ABHD18: variants seen among roughly 807,000 people sequenced by gnomAD.
ABHD18 encodes abhydrolase domain containing 18.
Under a neutral mutation model 65.9 loss-of-function variants are expected in ABHD18, and 55 were observed. The observed-to-expected ratio is 0.84, with a 90% CI of 0.67 to 1.05. The LOEUF (loss-of-function observed/expected upper bound fraction) is 1.05. Among genes scored for constraint, ABHD18 ranks in the 50% least tolerant of loss-of-function variants. The pLI is 0.00. For missense variants in ABHD18, 533 were observed against 558.5 expected (o/e 0.95, Z 0.46); for synonymous variants, 181 against 180.2 (o/e 1.00, Z -0.04).
rs1328281140 is a variant in ABHD18 at position 128,039,075 on chromosome 4, T to C, written c.*3262T>C. Reference sequence around the variant, plus strand: ...TATATGTATACGTTTTATATATATATACACACACACGTATGTGTGTATATA... The same window carrying C: ...TATATGTATACGTTTTATATATATACACACACACACGTATGTGTGTATATA... On this transcript the variant is annotated 3_prime_UTR_variant, in exon 13 of 13. Coordinates refer to ENST00000645843, the MANE Select transcript of ABHD18 (RefSeq NM_001358451.3). 4.7e-5 allele frequency: 7 copies of C among 148,032 alleles called. No individual in the cohort carries two copies. The highest frequency in any genetic ancestry group is 3.4e-4 in the Admixed American group (5 of 14,774). The allele number at this position is 148,032 out of a possible 1,614,324, so 9.2% of individuals were successfully genotyped here. A position where few individuals can be genotyped will look rare whatever the true frequency, so the allele number is the denominator to read the frequency against.
At chr4:127,976,767 C>T (rs961772921) in intron 1 of ABHD18, among the ~76,000 whole-genome samples, 1 of 152,178 alleles carries the variant, frequency 6.6e-6, no homozygotes, top group Non-Finnish European at 1.5e-5. Context: ...TTTAGCCAGG[C>T]GCTGTGGCTC....
At position 127,981,170 on chromosome 4, in the gene ABHD18, T is replaced by TA. The variant is rs367666031; in HGVS notation, c.-17-1768dup. On this transcript the variant is annotated intron_variant, in intron 1 of 12. Coordinates refer to ENST00000645843, the MANE Select transcript of ABHD18 (RefSeq NM_001358451.3). Reference sequence around the variant, plus strand: ...GTCTCTAACTTATGGTGGTTTGACTTACGATTGTTTCAACTTGACCATAGG... The same window carrying TA: ...GTCTCTAACTTATGGTGGTTTGACTTAACGATTGTTTCAACTTGACCATAGG... Among the ~76,000 whole-genome samples the TA allele has an allele frequency of 1.3e-3, 199 of 152,344 alleles. 1 individual carries two copies. Among genetic ancestry groups the TA allele is most frequent in the African/African-American group, 4.5e-3 (189 of 41,578 alleles).
At chr4:127,992,639 A>G (rs1751110359) in intron 4 of ABHD18, among the ~76,000 whole-genome samples, 1 of 152,120 alleles carries the variant, frequency 6.6e-6, no homozygotes, top group African/African-American at 2.4e-5. Flanking sequence ...CCCTGGCTCA[A>G]GTGATCCTCT....
chr4:127,972,559 C>T (rs1340883037), intron 1 of ABHD18, among the ~76,000 whole-genome samples: 2 of 112,098 alleles, frequency 1.8e-5, no homozygotes, highest in Admixed American at 1.1e-4. Flanking sequence ...GACAGAGTCT[C>T]GCTCTGGCTA....
chr4:127,972,286 G>A (rs957829491), intron 1 of ABHD18, among the ~76,000 whole-genome samples: 2 of 152,096 alleles, frequency 1.3e-5, no homozygotes, highest in Non-Finnish European at 2.9e-5. Context: ...TTCATTAATA[G>A]GCATGATTGA....
At chr4:128,027,412 CT>C (rs112135586) in intron 10 of ABHD18, among the ~76,000 whole-genome samples, 39 of 145,628 alleles carry the variant, frequency 2.7e-4, no homozygotes, top group East Asian at 6.0e-4. Flanking sequence ...TAATTTTTTT[CT>C]TTTTTTTTTT....
chr4:128,035,021 T>C (rs1224235266), intron 12 of ABHD18, among the ~76,000 whole-genome samples: 3 of 152,206 alleles, frequency 2.0e-5, no homozygotes, highest in Admixed American at 6.6e-5. Context: ...AGGCTTTTGA[T>C]TTTAAGTAGC....
At chr4:128,014,319 G>C (rs955326483) in intron 7 of ABHD18, among the ~76,000 whole-genome samples, 2 of 152,002 alleles carry the variant, frequency 1.3e-5, no homozygotes, top group Non-Finnish European at 2.9e-5. Flanking sequence ...CCAGAATTCA[G>C]AATTAGGTAT....
intron 6 of ABHD18, among the ~76,000 whole-genome samples, chr4:128,010,513 G>A (rs985754821): frequency 2.7e-5 from 4 of 150,280 alleles, no homozygotes; most frequent in African/African-American, 9.8e-5. Flanking sequence ...GGCAAAAAGA[G>A]TGAAACTGTG....
chr4:127,990,656 A>G (rs1384428807), intron 4 of ABHD18, among the ~76,000 whole-genome samples: 1 of 152,178 alleles, frequency 6.6e-6, no homozygotes, highest in Non-Finnish European at 1.5e-5. Context: ...GAAGAAATTA[A>G]GAAACGTGGT....
rs1744942291 is a variant in ABHD18 at position 127,965,411 on chromosome 4, G to T, written c.-213G>T. 1.8e-6 allele frequency: 1 copy of T among 569,330 alleles called. No individual in the cohort carries two copies. Among genetic ancestry groups the T allele is most frequent in the East Asian group, 2.9e-5 (1 of 33,986 alleles). The allele number at this position is 569,330 out of a possible 1,614,324, so 35.3% of individuals were successfully genotyped here. ...GGAGAGCTCGGGGCGTGTCCAAACTGCCGCGCCGCCCTGCTCCGGGTTTGT... is the reference window on the plus strand; with the variant it reads ...GGAGAGCTCGGGGCGTGTCCAAACTTCCGCGCCGCCCTGCTCCGGGTTTGT... On this transcript the variant is annotated 5_prime_UTR_variant, in exon 1 of 13. Transcript: ENST00000645843.
In ABHD18 at chr4:128,008,261, CTTTTTTTTTTTTTT is replaced by C. The variant is rs1167728243; in HGVS notation, c.279-644_279-631del. Among the ~76,000 whole-genome samples the C allele has an allele frequency of 3.8e-4, 37 of 97,782 alleles. 1 individual carries two copies. Among genetic ancestry groups the C allele is most frequent in the African/African-American group, 1.3e-3 (28 of 22,296 alleles). The allele number at this position is 97,782 out of a possible 152,430, so 64.1% of individuals were successfully genotyped here. A position where few individuals can be genotyped will look rare whatever the true frequency, so the allele number is the denominator to read the frequency against. Reference sequence around the variant, plus strand: ...TGGGCAACAGAGTGAGACTCCGTTCCTTTTTTTTTTTTTTTTTTTTTTTTTTTTGAGACGGAGTC... The same window carrying C: ...TGGGCAACAGAGTGAGACTCCGTTCCTTTTTTTTTTTTTTGAGACGGAGTC... On this transcript the variant is annotated intron_variant, in intron 4 of 12. Coordinates refer to ENST00000645843, the MANE Select transcript of ABHD18 (RefSeq NM_001358451.3).
rs1423737556 is a variant in ABHD18 at position 127,965,545 on chromosome 4, C to T, written c.-79C>T. On this transcript the variant is annotated 5_prime_UTR_variant, in exon 1 of 13. Coordinates refer to ENST00000645843, the MANE Select transcript of ABHD18 (RefSeq NM_001358451.3). The stretch of plus-strand genomic sequence containing the variant: ...CAAAGTTGAGTCCTGGAAAGGGAGC[C>T]TGGAGAGCGGCGGTGCTGGGAGGCC... 7.0e-6 allele frequency: 2 copies of T among 286,966 alleles called. No homozygotes were observed. The highest frequency in any genetic ancestry group is 7.0e-5 in the South Asian group (2 of 28,740). 17.8% of individuals were successfully genotyped at this position (286,966 alleles called of 1,614,324 possible).
chr4:128,032,458 G>A (rs1323857639), intron 12 of ABHD18, among the ~76,000 whole-genome samples: 3 of 152,192 alleles, frequency 2.0e-5, no homozygotes. Context: ...AGGCCAAGGC[G>A]GGTGGATCAT....
chr4:127,983,969 G>T (rs888439188), intron 2 of ABHD18, among the ~76,000 whole-genome samples: 28 of 152,222 alleles, frequency 1.8e-4, no homozygotes, highest in Admixed American at 1.3e-4. Flanking sequence ...AACCCGGGAG[G>T]CAGAGGTTGC....
At chr4:127,967,911 A>C (rs1745971623) in intron 1 of ABHD18, among the ~76,000 whole-genome samples, 1 of 152,070 alleles carries the variant, frequency 6.6e-6, no homozygotes, top group South Asian at 2.1e-4. Flanking sequence ...ACTGCCCAGG[A>C]TATTTACCCA....
intron 11 of ABHD18, 59 bp downstream of exon 11, chr4:128,028,912 T>C (rs1002629796): frequency 1.6e-6 from 2 of 1,264,914 alleles, no homozygotes; most frequent in South Asian, 1.7e-5. Context: ...TTGTGAAATA[T>C]TTTAAAAGAT....
chr4:127,968,825 C>T (rs1746183486), intron 1 of ABHD18, among the ~76,000 whole-genome samples: 1 of 152,056 alleles, frequency 6.6e-6, no homozygotes, highest in South Asian at 2.1e-4. Context: ...CAGATGGTGC[C>T]TTATTTTGGT....
intron 8 of ABHD18, among the ~76,000 whole-genome samples, chr4:128,018,670 A>T (rs1755931049): frequency 6.6e-6 from 1 of 152,042 alleles, no homozygotes; most frequent in Non-Finnish European, 1.5e-5. Context: ...TATTATATGA[A>T]GTTTCTGTAT....
Sources: allele counts gnomAD v4.1 joint callset (sites outside exome capture counted in the v4.1 genomes callset), GRCh38; gene constraint gnomAD v4.1.1; transcripts MANE v1.5; gene names NCBI Gene and HGNC (gene_info 2026-07-23, HGNC 2026-07-21).